Variants in MUC4 observed in about 807,000 individuals in gnomAD.
MUC4 encodes mucin-4.
Under a neutral mutation model 257.9 loss-of-function variants are expected in MUC4, and 202 were observed. That is an observed-to-expected ratio of 0.78 (90% CI 0.70 to 0.88). MUC4 has a LOEUF of 0.88. Among genes scored for constraint, MUC4 ranks in the 40% least tolerant of loss-of-function variants. The pLI is 0.00. For missense variants in MUC4, 5,976 were observed against 6,513.7 expected, an observed-to-expected ratio of 0.92 and a Z score of 2.84; for synonymous variants, 2,351 against 2,757.1, an observed-to-expected ratio of 0.85 and a Z score of 4.62.
Position 195,789,009 on chromosome 3 carries a change from G to C in MUC4, c.2571C>G (p.Ile857Met), listed in dbSNP as rs1437109220. The change falls in exon 2 of 25, where the codon ATC becomes ATG. Residue 857 changes from isoleucine (I) to methionine (M), a missense_variant. By Grantham distance (10) the Ile-to-Met change is conservative (BLOSUM62 1). Transcript: ENST00000463781. Reference protein sequence around the residue: ...LLSASASHGAIPVSTGMASSI... With the variant: ...LLSASASHGAMPVSTGMASSI... ...AAGACGCCATTCCTGTGCTTACTGG[G>C]ATGGCACCATGACTGGCTGAGGCGG... The C allele has an allele frequency of 6.2e-7, 1 of 1,613,874 alleles. No individual in the cohort carries two copies. Among genetic ancestry groups the C allele is most frequent in the Non-Finnish European group, 8.5e-7 (1 of 1,179,852 alleles).
At chr3:195,801,170 T>C (rs138483908) in intron 1 of MUC4, among the ~76,000 whole-genome samples, 207 of 152,350 alleles carry the variant, frequency 1.4e-3, no homozygotes, top group Non-Finnish European at 2.6e-3. Context: ...CAGAATGAAC[T>C]GACCTTGGCT....
Position 195,780,264 on chromosome 3 carries a change from A to C in MUC4, c.11316T>G (p.Gly3772=). ...LVTDASSVST[G]HATPLPVTDA... ...CGGTGACAGGAAGAGGCGTGGCGTG[A>C]CCTGTGGACACTGAGGAAGCGTCGG... Residue 3772 remains glycine, a synonymous_variant, in exon 2 of 25, where the codon GGT becomes GGG. Transcript: ENST00000463781. 6.6e-7 allele frequency: 1 copy of C among 1,523,370 alleles called. No homozygotes were observed. Among genetic ancestry groups the C allele is most frequent in the Non-Finnish European group, 8.9e-7 (1 of 1,126,872 alleles). The allele number at this position is 1,523,370 out of a possible 1,614,324, so 94.4% of individuals were successfully genotyped here.
At chr3:195,795,480 A>G (rs1734458094) in intron 1 of MUC4, among the ~76,000 whole-genome samples, 1 of 152,222 alleles carries the variant, frequency 6.6e-6, no homozygotes, top group African/African-American at 2.4e-5. Context: ...TATAAATGTA[A>G]TAAATGTTTT....
chr3:195,772,870 G>T (rs1389146223), intron 4 of MUC4, among the ~76,000 whole-genome samples: 1 of 117,164 alleles, frequency 8.5e-6, no homozygotes, highest in African/African-American at 3.5e-5. Flanking sequence ...CATCGCTCAG[G>T]GGTGCTCAGG....
At position 195,774,050 on chromosome 3, in the gene MUC4, G is replaced by A; in HGVS notation, c.13077+122C>T. The A allele has an allele frequency of 4.7e-6, 6 of 1,276,404 alleles. No individual in the cohort carries two copies. In the South Asian group the frequency reaches 8.1e-5, roughly 17 times the overall value. The allele number at this position is 1,276,404 out of a possible 1,614,324, so 79.1% of individuals were successfully genotyped here. On this transcript the variant is annotated intron_variant, in intron 4 of 24. Coordinates refer to ENST00000463781, the MANE Select transcript of MUC4 (RefSeq NM_018406.7). ...AGGCCTGACATTAAGGAGGCTGTGG[G>A]GATGGACGAGGGGCCCAGCCAAGGC...
Position 195,747,233 on chromosome 3 carries a change from C to A in MUC4, c.16182G>T (p.Trp5394Cys). ...GVGTFVVLRF[W>C]GCSGARFSYF... Reference sequence around the variant, plus strand: ...AGGAGAACCTGGCCCCGGAGCAACCCCAGAAGCGCAGGACCACGAACGTCC... The same window carrying A: ...AGGAGAACCTGGCCCCGGAGCAACCACAGAAGCGCAGGACCACGAACGTCC... The change falls in exon 25 of 25, where the codon TGG (tryptophan) becomes TGT (cysteine). Residue 5394 changes from tryptophan to cysteine, a missense_variant. By Grantham distance (215) the Trp-to-Cys change is radical (BLOSUM62 -2). Transcript: ENST00000463781. 1 of 1,614,268 alleles carries A rather than the reference C, an allele frequency of 6.2e-7. No individual in the cohort carries two copies. The highest frequency in any genetic ancestry group is 1.1e-5 in the South Asian group (1 of 91,084).
intron 1 of MUC4, among the ~76,000 whole-genome samples, chr3:195,802,815 T>C (rs757682166): frequency 2.0e-5 from 3 of 152,230 alleles, no homozygotes; most frequent in Non-Finnish European, 4.4e-5. Context: ...TGTTCAGTTT[T>C]GTAGCCGGCA....
rs1328481338 is a variant in MUC4, at chr3:195,747,078, G to A, written c.*98C>T. On this transcript the variant is annotated 3_prime_UTR_variant, in exon 25 of 25. Coordinates refer to ENST00000463781, the MANE Select transcript of MUC4 (RefSeq NM_018406.7). ...CCTTGAAGAATCCTGACAGCCTTCA[G>A]TCACCTTCCCTTTTCCAGTCTCCCA... 9 of 1,488,250 alleles carry A rather than the reference G, an allele frequency of 6.0e-6. No homozygotes were observed. In the African/African-American group the frequency reaches 1.1e-4, roughly 18 times the overall value. 92.2% of individuals were successfully genotyped at this position (1,488,250 alleles called of 1,614,324 possible).
rs1283089720 is a variant in MUC4, at chr3:195,771,678, T to A, written c.13216A>T (p.Thr4406Ser). ...APFWDDADFS[T>S]GRGTTFYQEY... ...TGATAAAATGTGGTCCCCCGACCAG[T>A]GGAGAAGTCAGCATCGTCCCAGAAC... Residue 4406 changes from threonine to serine, a missense_variant, in exon 5 of 25, where the codon ACT becomes TCT. Physicochemically the swap from Thr to Ser is moderately conservative, Grantham distance 58 (BLOSUM62 1). Around this residue, in one of 44 missense-constraint regions of MUC4, gnomAD observed 996 missense variants for 1,137.3 expected, o/e 0.88. Coordinates refer to ENST00000463781, the MANE Select transcript of MUC4 (RefSeq NM_018406.7). The A allele has an allele frequency of 1.2e-6, 2 of 1,613,698 alleles. No individual in the cohort carries two copies. The highest frequency in any genetic ancestry group is 1.7e-6 in the Non-Finnish European group (2 of 1,179,824).
Position 195,791,059 on chromosome 3 carries a change from C to A in MUC4, c.521G>T (p.Gly174Val). The part of the protein sequence containing the change: ...PVTSAVSITA[G>V]QEGQSRTTSW... ...AGTTGTTCGTGATTGTCCTTCCTGT[C>A]CAGCTGTTATTGAGACTGCTGAGGT... Residue 174 changes from glycine to valine, a missense_variant, in exon 2 of 25, where the codon GGA becomes GTA. Gly to Val is a moderately radical substitution (Grantham distance 109, BLOSUM62 -3). This residue lies in a region of MUC4 where 1,583 missense variants were observed against 1,257.4 expected (regional missense o/e 1.26). Coordinates refer to ENST00000463781, the MANE Select transcript of MUC4 (RefSeq NM_018406.7). 3.1e-6 allele frequency: 5 copies of A among 1,613,460 alleles called. No individual in the cohort carries two copies. The highest frequency in any genetic ancestry group is 2.7e-5 in the African/African-American group (2 of 74,848).
At position 195,790,019 on chromosome 3, in the gene MUC4, G is replaced by A; in HGVS notation, c.1561C>T (p.Pro521Ser). ...ATAGTGCCAGCTGTCCCTGTAGATG[G>A]ATTTCCTGTGACAAGCCTAGTGGCA... ...GAATRLVTGN[P>S]STGTAGTIPR... The change falls in exon 2 of 25, where the codon CCA becomes TCA. Residue 521 changes from proline (P) to serine (S), a missense_variant. By Grantham distance (74) the Pro-to-Ser change is moderately conservative. Transcript: ENST00000463781. 6.2e-7 allele frequency: 1 copy of A among 1,614,006 alleles called. No homozygotes were observed. Among genetic ancestry groups the A allele is most frequent in the African/African-American group, 1.3e-5 (1 of 75,044 alleles).
chr3:195,778,835 C>T lies in MUC4; in HGVS notation c.12745G>A (p.Ala4249Thr). 6.2e-7 allele frequency: 1 copy of T among 1,612,226 alleles called. No homozygotes were observed. The highest frequency in any genetic ancestry group is 1.7e-5 in the Admixed American group (1 of 59,880). The change falls in exon 2 of 25, where the codon GCT (alanine) becomes ACT (threonine). Residue 4249 changes from alanine (A) to threonine (T), a missense_variant. Ala to Thr is a moderately conservative substitution (Grantham distance 58). Transcript: ENST00000463781. ...TPLAVSSATSASTVSSDSPLK... is the reference protein window; with the variant it reads ...TPLAVSSATSTSTVSSDSPLK... ...GGGGAGTCCGAGGATACTGTGGAAG[C>T]TGAGGTAGCACTGCTGACAGCAAGA...
At chr3:195,771,337 T>C (rs112809092) in intron 5 of MUC4, among the ~76,000 whole-genome samples, 806 of 55,180 alleles carry the variant, frequency 0.015, no homozygotes, top group African/African-American at 0.037. Context: ...AGTCTCGTGG[T>C]TGGGTTGGGG....
Position 195,780,017 on chromosome 3 carries a change from T to C in MUC4, c.11563A>G (p.Met3855Val), listed in dbSNP as rs1182537798. ...IPSSVSTGDTMPLPVTSPSSA... is the reference protein window; with the variant it reads ...IPSSVSTGDTVPLPVTSPSSA... ...GAAGGGCTAGTGACAGGAAGAGGCATGGTGTCACCTGTGGATACTGAGGAA... is the reference window on the plus strand; with the variant it reads ...GAAGGGCTAGTGACAGGAAGAGGCACGGTGTCACCTGTGGATACTGAGGAA... Residue 3855 changes from methionine to valine, a missense_variant, in exon 2 of 25, where the codon ATG becomes GTG. Met to Val is a conservative substitution (Grantham distance 21). This residue lies in a region of MUC4 where 330 missense variants were observed against 262.0 expected (regional missense o/e 1.26). Coordinates refer to ENST00000463781, the MANE Select transcript of MUC4 (RefSeq NM_018406.7). 14 of 740,702 alleles carry C rather than the reference T, an allele frequency of 1.9e-5. 4 individuals carry two copies. The highest frequency in any genetic ancestry group is 9.6e-5 in the East Asian group (1 of 10,446). 45.9% of individuals were successfully genotyped at this position (740,702 alleles called of 1,614,324 possible).
intron 23 of MUC4, among the ~76,000 whole-genome samples, chr3:195,749,505 G>T (rs1224509130): frequency 6.6e-6 from 1 of 152,100 alleles, no homozygotes; most frequent in Non-Finnish European, 1.5e-5. Flanking sequence ...AAAAGGAAAT[G>T]ATCATAATAG....
In MUC4 at chr3:195,790,791, C is replaced by T. The variant is rs768543519; in HGVS notation, c.789G>A (p.Lys263=). The T allele has an allele frequency of 6.2e-6, 10 of 1,613,344 alleles. 2 individuals are homozygous for T. In the Middle Eastern group the frequency reaches 1.2e-3, roughly 187 times the overall value. ...AGCCTGTGGAGGTTGTCACTGTTAT[C>T]TTCTCTGATGTCATCATGGATGTGT... ...VTNTSMMTSE[K]ITVTTSTGST... is the part of the protein sequence containing the mutation. The change falls in exon 2 of 25, where the codon AAG becomes AAA. Residue 263 remains lysine, a synonymous_variant. Coordinates refer to ENST00000463781, the MANE Select transcript of MUC4 (RefSeq NM_018406.7).
intron 1 of MUC4, among the ~76,000 whole-genome samples, chr3:195,792,785 G>A (rs1014556439): frequency 3.3e-5 from 5 of 152,198 alleles, no homozygotes; most frequent in African/African-American, 1.2e-4. Context: ...TATGCAGCAC[G>A]GAATACTATG....
At chr3:195,768,996 A>G in intron 7 of MUC4, 26 bp downstream of exon 7, 1 of 1,602,324 alleles carries the variant, frequency 6.2e-7, no homozygotes, top group Non-Finnish European at 8.5e-7. Context: ...CCAACTGCTC[A>G]GTGCTGACAG....
Position 195,810,650 on chromosome 3 carries a change from C to G in MUC4, c.82+1086G>C, listed in dbSNP as rs1274955029. Among the ~76,000 whole-genome samples the G allele has an allele frequency of 6.6e-6, 1 of 152,172 alleles. No individual in the cohort carries two copies. On this transcript the variant is annotated intron_variant, in intron 1 of 24. Coordinates refer to ENST00000463781, the MANE Select transcript of MUC4 (RefSeq NM_018406.7). This position sits in a 1 kb window ranked among gnomAD's most constrained non-coding sequence, Gnocchi z 4.2. The stretch of plus-strand genomic sequence containing the variant: ...GTAAGAAGCCCACGGCCAGCACCTC[C>G]CGGCCCTCTGCGCCCTGGCCGCCTC...
Sources: gnomAD v4.1 joint callset for allele counts (sites outside exome capture counted in the v4.1 genomes callset) on GRCh38, gnomAD v4.1.1 for gene constraint, gnomAD v4.1.1 regional missense constraint, Gnocchi (gnomAD v3.1) non-coding constraint, MANE v1.5 for transcripts, NCBI Gene and HGNC (gene_info 2026-07-23, HGNC 2026-07-21) for gene names.